NUP210: variants seen among roughly 807,000 people sequenced by gnomAD.
NUP210 encodes the protein nuclear pore membrane glycoprotein 210.
NUP210 carries 151 observed loss-of-function variants against 196.0 expected under a neutral mutation model. The observed-to-expected ratio is 0.77, with a 90% CI of 0.67 to 0.88. NUP210 has a LOEUF of 0.88. NUP210 is among the 40% of genes least tolerant of loss of function. The probability of loss-of-function intolerance (pLI) is 0.00; values close to 1 mark genes in which losing one functional copy is unlikely to be tolerated. For synonymous variants in NUP210, 1,070 were observed against 1,052.7 expected (o/e 1.02, Z -0.32); for missense variants, 2,314 against 2,493.7 (o/e 0.93, Z 1.53).
In NUP210 at chr3:13,330,442, A is replaced by G. The variant is rs1387115494; in HGVS notation, c.4110+18T>C. The G allele has an allele frequency of 6.2e-7, 1 of 1,609,774 alleles. No homozygotes were observed. Among genetic ancestry groups the G allele is most frequent in the Middle Eastern group, 1.7e-4 (1 of 6,040 alleles). On this transcript the variant is annotated intron_variant, in intron 30 of 39. Transcript: ENST00000254508. ...TATTGCTTTCATTACTCCAAAAAGG[A>G]GGAGAATGCAACCCTACCTTTACAG...
intron 9 of NUP210, among the ~76,000 whole-genome samples, chr3:13,377,034 G>A (rs1345090411): frequency 6.6e-6 from 1 of 152,130 alleles, no homozygotes. Flanking sequence ...TGTCATGCAG[G>A]GTTCCAGGTA....
At chr3:13,389,631 G>A (rs1036402858) in intron 4 of NUP210, among the ~76,000 whole-genome samples, 2 of 152,184 alleles carry the variant, frequency 1.3e-5, no homozygotes, top group Non-Finnish European at 2.9e-5. Flanking sequence ...GGCTCACAAA[G>A]GCGTCAGGAC....
At chr3:13,364,976 G>A (rs1405955024) in intron 14 of NUP210, among the ~76,000 whole-genome samples, 2 of 152,208 alleles carry the variant, frequency 1.3e-5, no homozygotes, top group Non-Finnish European at 2.9e-5. Context: ...GCAGAAAAAT[G>A]CAAGGACTGC....
chr3:13,354,053 C>T lies in NUP210; in HGVS notation c.2383G>A (p.Glu795Lys). 6.2e-7 allele frequency: 1 copy of T among 1,605,216 alleles called. No homozygotes were observed. Among genetic ancestry groups the T allele is most frequent in the Non-Finnish European group, 8.5e-7 (1 of 1,176,242 alleles). The change falls in exon 17 of 40, where the codon GAG becomes AAG. Residue 795 changes from glutamate (E) to lysine (K), a missense_variant. By Grantham distance (56) the Glu-to-Lys change is moderately conservative. Transcript: ENST00000254508. ...CTGAAGTTGTCGAACCGGCGGCCCT[C>T]CTGGTCGTAAGCAGCCAGGTCCAGC... ...PRLDLAAYDQEGRRFDNFSSL... is the reference protein window; with the variant it reads ...PRLDLAAYDQKGRRFDNFSSL...
rs763597078 is a variant in NUP210, at chr3:13,420,069, C to T, written c.158G>A (p.Cys53Tyr). Residue 53 changes from cysteine to tyrosine, a missense_variant, in exon 1 of 40, where the codon TGC (cysteine) becomes TAC (tyrosine). Physicochemically the swap from Cys to Tyr is radical, Grantham distance 194. Transcript: ENST00000254508. The surrounding 1 kb of genome is among the most constrained non-coding windows in gnomAD (Gnocchi z 4.8). ...CGGCCGCGCGCCTCACCAGCGGTAG[C>T]AGCCCTCCGAGGCCTCCAGCGTGAA... ...VNFTLEASEG[C>Y]YRWLSTRPEV... The T allele has an allele frequency of 4.5e-6, 6 of 1,345,968 alleles. No homozygotes were observed. Among genetic ancestry groups the T allele is most frequent in the Non-Finnish European group, 4.9e-6 (5 of 1,028,228 alleles). 83.4% of individuals were successfully genotyped at this position (1,345,968 alleles called of 1,614,324 possible). A position where few individuals can be genotyped will look rare whatever the true frequency, so the allele number is the denominator to read the frequency against.
At chr3:13,343,098 A>G in intron 21 of NUP210, 77 bp downstream of exon 21, 1 of 1,563,974 alleles carries the variant, frequency 6.4e-7, no homozygotes, top group South Asian at 1.2e-5. Flanking sequence ...GCCATGCGGA[A>G]CATTCCTCCC....
At chr3:13,364,345 C>T (rs1488494125) in intron 14 of NUP210, among the ~76,000 whole-genome samples, 2 of 152,154 alleles carry the variant, frequency 1.3e-5, no homozygotes, top group Non-Finnish European at 2.9e-5. Flanking sequence ...AGGGCTAGGC[C>T]TCTGATCACT....
rs530750334 is a variant in NUP210 at position 13,341,610 on chromosome 3, C to T, written c.3228+138G>A. 19 of 1,002,984 alleles carry T rather than the reference C, an allele frequency of 1.9e-5. No homozygotes were observed. In the African/African-American group the frequency reaches 2.6e-4, roughly 14 times the overall value. The allele number at this position is 1,002,984 out of a possible 1,614,324, so 62.1% of individuals were successfully genotyped here. On this transcript the variant is annotated intron_variant, in intron 23 of 39. Coordinates refer to ENST00000254508, the MANE Select transcript of NUP210 (RefSeq NM_024923.4). ...AGATCCCTAGAGCTCGTAACAGCTG[C>T]CTTTTGATGAGAGGACATTGTGGGA...
At position 13,379,514 on chromosome 3, in the gene NUP210, A is replaced by G; in HGVS notation, c.976+49T>C. ...AGGGAAAAAAAGACTTGACTTCCAAACAGCAGCTCCGCCATGCCTAAGAAC... is the reference window on the plus strand; with the variant it reads ...AGGGAAAAAAAGACTTGACTTCCAAGCAGCAGCTCCGCCATGCCTAAGAAC... On this transcript the variant is annotated intron_variant, in intron 7 of 39. Coordinates refer to ENST00000254508, the MANE Select transcript of NUP210 (RefSeq NM_024923.4). This position sits in a 1 kb window ranked among gnomAD's most constrained non-coding sequence, Gnocchi z 4.2. The G allele has an allele frequency of 6.2e-7, 1 of 1,610,572 alleles. No individual in the cohort carries two copies. Among genetic ancestry groups the G allele is most frequent in the Non-Finnish European group, 8.5e-7 (1 of 1,178,412 alleles).
At chr3:13,333,710 C>T (rs1041993150) in intron 28 of NUP210, among the ~76,000 whole-genome samples, 13 of 152,202 alleles carry the variant, frequency 8.5e-5, no homozygotes, top group African/African-American at 2.4e-4. Flanking sequence ...TGCCCCCTTC[C>T]GGCATCCACA....
intron 2 of NUP210, 35 bp downstream of exon 2, chr3:13,399,690 C>A (rs1448040370): frequency 2.5e-6 from 4 of 1,613,118 alleles, no homozygotes; most frequent in Non-Finnish European, 3.4e-6. Flanking sequence ...GTCTCTGGCT[C>A]CCACCGGGGA....
At chr3:13,325,384 C>T (rs1016642116) in intron 33 of NUP210, among the ~76,000 whole-genome samples, 4 of 152,242 alleles carry the variant, frequency 2.6e-5, no homozygotes, top group South Asian at 2.1e-4. Flanking sequence ...CCCACTGATT[C>T]ATTCTCAACT....
At chr3:13,352,221 A>G in intron 18 of NUP210, 37 bp from the exon 19 acceptor site, 1 of 1,505,630 alleles carries the variant, frequency 6.6e-7, no homozygotes, top group Non-Finnish European at 9.2e-7. Flanking sequence ...ATCCAGGAGG[A>G]CATGATTAGG....
In NUP210 at chr3:13,347,432, T is replaced by A; in HGVS notation, c.2836-4129A>T. 1 of 690,404 alleles carries A rather than the reference T, an allele frequency of 1.4e-6. No homozygotes were observed. The highest frequency in any genetic ancestry group is 1.8e-6 in the Non-Finnish European group (1 of 560,734). 42.8% of individuals were successfully genotyped at this position (690,404 alleles called of 1,614,324 possible). A position where few individuals can be genotyped will look rare whatever the true frequency, so the allele number is the denominator to read the frequency against. On this transcript the variant is annotated intron_variant, in intron 20 of 39. Transcript: ENST00000254508. This position sits in a 1 kb window ranked among gnomAD's most constrained non-coding sequence, Gnocchi z 4.7. ...ACTTAGGCTTAAATCGGATAAACAC[T>A]CCTATGTGCAAACCAGCCGAAAACA... is the stretch of plus-strand genomic sequence containing the variant.
intron 1 of NUP210, among the ~76,000 whole-genome samples, chr3:13,401,679 C>A (rs1390865552): frequency 5.9e-5 from 9 of 152,182 alleles, no homozygotes; most frequent in African/African-American, 2.2e-4. Flanking sequence ...CAAATGCTGA[C>A]AGCACTAGTG....
intron 4 of NUP210, among the ~76,000 whole-genome samples, chr3:13,390,093 T>C (rs927747126): frequency 6.6e-6 from 1 of 152,148 alleles, no homozygotes; most frequent in Admixed American, 6.5e-5. Context: ...CTGGGACAAA[T>C]GACCAAACTC....
chr3:13,410,774 C>G (rs1008059655), intron 1 of NUP210, among the ~76,000 whole-genome samples: 2 of 150,962 alleles, frequency 1.3e-5, no homozygotes, highest in Non-Finnish European at 2.9e-5. Flanking sequence ...AAAAATTAGC[C>G]GGGCGTGGTG....
At chr3:13,321,379 A>G (rs1045402907) in intron 36 of NUP210, among the ~76,000 whole-genome samples, 2 of 152,268 alleles carry the variant, frequency 1.3e-5, no homozygotes, top group African/African-American at 4.8e-5. Context: ...AGCAGCGGTC[A>G]GAACAATTAA....
At chr3:13,321,134 G>A (rs1696511846) in intron 36 of NUP210, among the ~76,000 whole-genome samples, 1 of 152,256 alleles carries the variant, frequency 6.6e-6, no homozygotes, top group African/African-American at 2.4e-5. Context: ...AGCCTGCCAG[G>A]CTCTGGGCCT....
Sources: gnomAD v4.1 joint callset for allele counts (sites outside exome capture counted in the v4.1 genomes callset) on GRCh38, gnomAD v4.1.1 for gene constraint, Gnocchi (gnomAD v3.1) non-coding constraint, MANE v1.5 for transcripts, NCBI Gene and HGNC (gene_info 2026-07-23, HGNC 2026-07-21) for gene names.